The following MED13L variants were observed in gnomAD, a reference collection of about 807,000 sequenced individuals.
The protein encoded by MED13L is mediator of RNA polymerase II transcription subunit 13-like.
In MED13L, 7 loss-of-function variants were observed where a neutral mutation model predicts 220.9. The observed-to-expected ratio is 0.03, with a 90% CI of 0.02 to 0.06. The LOEUF is 0.06. Among genes scored for constraint, MED13L ranks in the 10% least tolerant of loss-of-function variants. The pLI is 1.00. For synonymous variants in MED13L, 1,011 were observed against 1,015.2 expected (o/e 1.00, Z 0.08); for missense variants, 1,965 against 2,760.5 (o/e 0.71, Z 6.46).
intron 4 of MED13L, among the ~76,000 whole-genome samples, chr12:116,077,963 G>A (rs1024471373): frequency 2.0e-5 from 3 of 151,858 alleles, no homozygotes; most frequent in African/African-American, 7.3e-5. Flanking sequence ...GACCAGCCTG[G>A]CCAAGATGGT....
chr12:116,098,555 C>T (rs1189187764), intron 3 of MED13L, among the ~76,000 whole-genome samples: 1 of 152,196 alleles, frequency 6.6e-6, no homozygotes, highest in Non-Finnish European at 1.5e-5. Flanking sequence ...CCTCACCCAA[C>T]TCATTACAGG....
chr12:116,265,177 C>T (rs558676118), intron 1 of MED13L, among the ~76,000 whole-genome samples: 2 of 152,180 alleles, frequency 1.3e-5, no homozygotes, highest in Admixed American at 1.3e-4. Flanking sequence ...CAAGGTTCAC[C>T]ACGATTGTCT....
chr12:116,163,585 G>T (rs1244053220), intron 2 of MED13L, among the ~76,000 whole-genome samples: 1 of 151,954 alleles, frequency 6.6e-6, no homozygotes, highest in Non-Finnish European at 1.5e-5. Context: ...GGCTGGTCTC[G>T]AATTCCTGAC....
chr12:116,180,797 G>GT (rs1409104763), intron 2 of MED13L, among the ~76,000 whole-genome samples: 2 of 152,192 alleles, frequency 1.3e-5, no homozygotes, highest in African/African-American at 4.8e-5. Context: ...GTGATACACA[G>GT]TAAGATATCT....
intron 2 of MED13L, among the ~76,000 whole-genome samples, chr12:116,167,298 C>T (rs1022450054): frequency 1.3e-5 from 2 of 152,086 alleles, no homozygotes; most frequent in Non-Finnish European, 2.9e-5. Context: ...AAGCATCCCT[C>T]GAATACAAGC....
chr12:115,996,257 AT>A lies in MED13L; in HGVS notation c.2996+218del, dbSNP rs574091105. Among the ~76,000 whole-genome samples, 13 of 151,930 alleles carry A rather than the reference AT, an allele frequency of 8.6e-5. No homozygotes were observed. In the South Asian group the frequency reaches 2.7e-3, roughly 32 times the overall value. ...AGACTCCTGCCACCAAGCCCAGCTA[AT>A]TTTTTGTATTTTTAGTAGAGACGGG... On this transcript the variant is annotated intron_variant, in intron 16 of 30. Coordinates refer to ENST00000281928, the MANE Select transcript of MED13L (RefSeq NM_015335.5).
chr12:116,163,232 A>G (rs1379405631), intron 2 of MED13L, among the ~76,000 whole-genome samples: 2 of 152,168 alleles, frequency 1.3e-5, no homozygotes, highest in African/African-American at 2.4e-5. Flanking sequence ...AGAGGCAGGT[A>G]TTTACAAATC....
chr12:116,021,177 A>G (rs879841573), intron 5 of MED13L, among the ~76,000 whole-genome samples: 2 of 152,172 alleles, frequency 1.3e-5, no homozygotes, highest in Non-Finnish European at 2.9e-5. Flanking sequence ...AATGCTCCAC[A>G]AAAGTATTCT....
chr12:116,023,279 G>C (rs1156613061), intron 4 of MED13L, among the ~76,000 whole-genome samples: 1 of 152,126 alleles, frequency 6.6e-6, no homozygotes, highest in Non-Finnish European at 1.5e-5. Context: ...ATGGACAACA[G>C]AGCAAGACCC....
intron 3 of MED13L, among the ~76,000 whole-genome samples, chr12:116,108,965 G>C (rs1222006201): frequency 6.6e-6 from 1 of 151,636 alleles, no homozygotes; most frequent in Non-Finnish European, 1.5e-5. Flanking sequence ...GTGAGATTAG[G>C]GTAACTGTCC....
intron 27 of MED13L, 119 bp from the exon 28 acceptor site, chr12:115,969,216 C>A (rs879443089): frequency 5.6e-5 from 62 of 1,110,702 alleles, no homozygotes; most frequent in Non-Finnish European, 7.5e-5. Context: ...TATGGACACA[C>A]ACTGTTAATA....
chr12:116,201,198 C>T (rs1365264613), intron 2 of MED13L, among the ~76,000 whole-genome samples: 1 of 152,108 alleles, frequency 6.6e-6, no homozygotes, highest in East Asian at 1.9e-4. Context: ...TCTTTAAAGT[C>T]CTCTATCCCA....
At chr12:115,999,326 G>C (rs1318629083) in intron 14 of MED13L, among the ~76,000 whole-genome samples, 1 of 151,854 alleles carries the variant, frequency 6.6e-6, no homozygotes, top group Non-Finnish European at 1.5e-5. Flanking sequence ...AGGTGGCAGA[G>C]ATTGCAGTGA....
rs1461512663 is a variant in MED13L, at chr12:115,980,915, C to T, written c.5199G>A (p.Leu1733=). ...AAACTTGCTCATCCTTCATTGTCTG[C>T]AGCATGTACTGGCAAGGCACAATCT... is the stretch of plus-strand genomic sequence containing the variant. ...ILQIVPCQYM[L]QTMKDEQVFY... The change falls in exon 23 of 31, where the codon CTG becomes CTA. Residue 1733 remains leucine (L), a synonymous_variant. Transcript: ENST00000281928. 1.2e-6 allele frequency: 2 copies of T among 1,611,490 alleles called. No homozygotes were observed. Among genetic ancestry groups the T allele is most frequent in the Non-Finnish European group, 1.7e-6 (2 of 1,179,790 alleles).
intron 19 of MED13L, among the ~76,000 whole-genome samples, chr12:115,984,722 T>A (rs944250122): frequency 6.6e-6 from 1 of 152,170 alleles, no homozygotes; most frequent in Non-Finnish European, 1.5e-5. Context: ...CTGAGACATA[T>A]GCCCACTAAA....
intron 4 of MED13L, among the ~76,000 whole-genome samples, chr12:116,042,945 G>T (rs1288894026): frequency 1.3e-5 from 2 of 152,088 alleles, no homozygotes; most frequent in African/African-American, 4.8e-5. Context: ...AAGGATAAAG[G>T]GCTATATTTA....
At chr12:116,147,000 T>C (rs950091304) in intron 2 of MED13L, among the ~76,000 whole-genome samples, 7 of 152,092 alleles carry the variant, frequency 4.6e-5, no homozygotes, top group African/African-American at 1.7e-4. Flanking sequence ...TACTCAAATA[T>C]TTATGGTGGC....
intron 2 of MED13L, among the ~76,000 whole-genome samples, chr12:116,124,927 G>T (rs1027553563): frequency 4.6e-5 from 7 of 152,168 alleles, no homozygotes; most frequent in African/African-American, 1.4e-4. Context: ...GTCATAAATT[G>T]AAAGATCATA....
rs760692732 is a variant in MED13L at position 116,096,751 on chromosome 12, A to T, written c.397T>A (p.Cys133Ser). The T allele has an allele frequency of 6.2e-7, 1 of 1,611,688 alleles. No individual in the cohort carries two copies. The highest frequency in any genetic ancestry group is 1.1e-5 in the South Asian group (1 of 91,026). ...FKAIHNLLER[C>S]LMDKNFVRIG... ...CTAACGAAGTTCTTATCCATTAGGC[A>T]CCTAAAATAATTACATCAAGAATTA... Residue 133 changes from cysteine (C) to serine (S), a missense_variant and splice_region_variant, in exon 4 of 31, where the codon TGC becomes AGC. Around this residue, in one of 10 missense-constraint regions of MED13L, gnomAD observed 818 missense variants for 1,041.2 expected, o/e 0.79. Transcript: ENST00000281928.
Sources: allele counts gnomAD v4.1 joint callset (sites outside exome capture counted in the v4.1 genomes callset), GRCh38; gene constraint gnomAD v4.1.1; regional missense constraint gnomAD v4.1.1; transcripts MANE v1.5; gene names NCBI Gene and HGNC (gene_info 2026-07-23, HGNC 2026-07-21).